Variants in NAE1 observed in about 807,000 individuals in gnomAD.
NAE1 encodes NEDD8-activating enzyme E1 regulatory subunit.
NAE1 carries 59 observed loss-of-function variants against 88.0 expected under a neutral mutation model. The ratio of observed to expected loss-of-function variants is 0.67; its 90% CI spans 0.54 to 0.83. NAE1 has a LOEUF of 0.83. NAE1 is among the 40% of genes least tolerant of loss of function. The probability of loss-of-function intolerance (pLI) is 0.00; values close to 1 mark genes in which losing one functional copy is unlikely to be tolerated. For synonymous variants in NAE1, 186 were observed against 208.9 expected, an observed-to-expected ratio of 0.89 and a Z score of 0.95; for missense variants, 554 against 632.8, an observed-to-expected ratio of 0.88 and a Z score of 1.34.
At chr16:66,808,416 A>G in intron 17 of NAE1, 105 bp downstream of exon 17, 1 of 818,534 alleles carries the variant, frequency 1.2e-6, no homozygotes, top group South Asian at 1.8e-5. Context: ...TCTGTTTACA[A>G]TGTGAAATTC....
At chr16:66,808,923 C>T in intron 16 of NAE1, 66 bp downstream of exon 16, 3 of 1,119,568 alleles carry the variant, frequency 2.7e-6, no homozygotes, top group Non-Finnish European at 2.5e-6. Flanking sequence ...CACTATTATA[C>T]ACAAAATATT....
At chr16:66,803,148 TTGA>T (rs1959421602) in intron 19 of NAE1, 30 bp from the exon 20 acceptor site, 4 of 1,418,540 alleles carry the variant, frequency 2.8e-6, no homozygotes. Context: ...AAGCAAATCT[TTGA>T]AAGAGTAAAC....
chr16:66,827,655 C>A, intron 1 of NAE1: 1 of 275,910 alleles, frequency 3.6e-6, no homozygotes, highest in Non-Finnish European at 6.8e-6. Flanking sequence ...GTGACTTCTG[C>A]AAAAGCTTTA....
intron 3 of NAE1, 66 bp downstream of exon 3, chr16:66,826,457 A>G: frequency 7.0e-7 from 1 of 1,429,248 alleles, no homozygotes; most frequent in Non-Finnish European, 9.8e-7. Context: ...CTGACTGAGG[A>G]GGTGAAGCTA....
rs1171054329 is a variant in NAE1, at chr16:66,808,621, G to GA, written c.1238-9dup. On this transcript the variant is annotated splice_polypyrimidine_tract_variant and intron_variant, in intron 16 of 19. Coordinates refer to ENST00000290810, the MANE Select transcript of NAE1 (RefSeq NM_003905.4). ...GATTGTCCATGCTAGAAACTGAAAG[G>GA]AAAAAAAATTTCAGTTTAATTTGGT... is the stretch of plus-strand genomic sequence containing the variant. 12 of 1,573,748 alleles carry GA rather than the reference G, an allele frequency of 7.6e-6. No individual in the cohort carries two copies. The highest frequency in any genetic ancestry group is 2.7e-5 in the African/African-American group (2 of 73,272).
At chr16:66,815,552 T>A (rs1960008049) in intron 11 of NAE1, among the ~76,000 whole-genome samples, 3 of 152,112 alleles carry the variant, frequency 2.0e-5, no homozygotes, top group Non-Finnish European at 1.5e-5. Context: ...AGACAAGATC[T>A]CCCTACGTTG....
intron 1 of NAE1, among the ~76,000 whole-genome samples, 163 bp from the exon 2 acceptor site, chr16:66,826,943 T>C (rs1228709283): frequency 1.3e-5 from 2 of 152,188 alleles, no homozygotes; most frequent in South Asian, 2.1e-4. Flanking sequence ...TACAGTAATC[T>C]AGAACTCAGG....
At chr16:66,811,480 T>C (rs574313564) in intron 13 of NAE1, among the ~76,000 whole-genome samples, 2 of 152,180 alleles carry the variant, frequency 1.3e-5, no homozygotes, top group Non-Finnish European at 2.9e-5. Context: ...TAGATAAACA[T>C]GCTCTACCTC....
intron 9 of NAE1, 42 bp from the exon 10 acceptor site, chr16:66,817,070 C>T (rs1339054259): frequency 6.4e-6 from 10 of 1,562,110 alleles, no homozygotes; most frequent in Middle Eastern, 3.7e-4. Flanking sequence ...TATTAAAATT[C>T]AAAATACAGA....
At chr16:66,815,662 C>CTT (rs80325903) in intron 11 of NAE1, among the ~76,000 whole-genome samples, 64 of 139,262 alleles carry the variant, frequency 4.6e-4, no homozygotes, top group African/African-American at 1.5e-3. Context: ...CCAGCAAACA[C>CTT]TTTTTTTTTT....
intron 2 of NAE1, 34 bp from the exon 3 acceptor site, chr16:66,826,617 T>G: frequency 6.2e-7 from 1 of 1,613,908 alleles, no homozygotes. Flanking sequence ...CAGGAATACA[T>G]AGTTCTAGGT....
chr16:66,824,764 T>C (rs1960397069), intron 4 of NAE1, 91 bp downstream of exon 4: 5 of 1,164,228 alleles, frequency 4.3e-6, no homozygotes, highest in Non-Finnish European at 2.5e-6. Context: ...AGAGAAATAA[T>C]ACACGTTTTT....
intron 19 of NAE1, chr16:66,805,570 T>G: frequency 2.5e-6 from 1 of 401,466 alleles, no homozygotes; most frequent in Non-Finnish European, 4.3e-6. Flanking sequence ...CCCAGGAGTT[T>G]GAGGTTGCAG....
At chr16:66,818,461 C>A in intron 8 of NAE1, 67 bp downstream of exon 8, 1 of 1,256,208 alleles carries the variant, frequency 8.0e-7, no homozygotes, top group Non-Finnish European at 1.1e-6. Context: ...TAGTGTAATT[C>A]AAAAACCTTA....
chr16:66,809,876 T>G (rs1022390972), intron 15 of NAE1, among the ~76,000 whole-genome samples: 8 of 152,100 alleles, frequency 5.3e-5, no homozygotes, highest in Non-Finnish European at 4.4e-5. Flanking sequence ...GACTCTTAAA[T>G]AAAAGAAAAT....
intron 8 of NAE1, among the ~76,000 whole-genome samples, chr16:66,817,812 A>G (rs1960105787): frequency 6.6e-6 from 1 of 152,230 alleles, no homozygotes; most frequent in Non-Finnish European, 1.5e-5. Flanking sequence ...CTGATGAACC[A>G]AATAAGCAAC....
chr16:66,819,433 G>T (rs1178570933), intron 7 of NAE1, among the ~76,000 whole-genome samples: 3 of 152,212 alleles, frequency 2.0e-5, no homozygotes, highest in African/African-American at 7.2e-5. Context: ...TGAGTGCTTA[G>T]AGGTAGGCCC....
At chr16:66,823,824 T>C (rs1361662027) in intron 4 of NAE1, among the ~76,000 whole-genome samples, 1 of 152,228 alleles carries the variant, frequency 6.6e-6, no homozygotes, top group Non-Finnish European at 1.5e-5. Context: ...CTTGAACTCC[T>C]AGGCTTAAGC....
intron 15 of NAE1, 68 bp from the exon 16 acceptor site, chr16:66,809,143 T>A: frequency 2.4e-6 from 3 of 1,231,568 alleles, no homozygotes; most frequent in Non-Finnish European, 2.4e-6. Flanking sequence ...CACAGGTGAC[T>A]TTAAGAACAG....
Sources: gnomAD v4.1 joint callset for allele counts (sites outside exome capture counted in the v4.1 genomes callset) on GRCh38, gnomAD v4.1.1 for gene constraint, MANE v1.5 for transcripts, NCBI Gene and HGNC (gene_info 2026-07-23, HGNC 2026-07-21) for gene names.